RGS9: variants seen among roughly 807,000 people sequenced by gnomAD.
RGS9 encodes regulator of G-protein signalling 9.
RGS9 carries 78 observed loss-of-function variants against 102.0 expected under a neutral mutation model. The ratio of observed to expected loss-of-function variants is 0.76; its 90% CI spans 0.64 to 0.92. The LOEUF (loss-of-function observed/expected upper bound fraction) is 0.92. Among genes scored for constraint, RGS9 ranks in the 40% least tolerant of loss-of-function variants. The pLI is 0.00. For missense variants in RGS9, 833 were observed against 866.1 expected, an observed-to-expected ratio of 0.96 and a Z score of 0.48; for synonymous variants, 353 against 318.6, an observed-to-expected ratio of 1.11 and a Z score of -1.15.
chr17:65,144,957 C>T (rs913519871), intron 1 of RGS9, among the ~76,000 whole-genome samples: 27 of 152,140 alleles, frequency 1.8e-4, no homozygotes, highest in African/African-American at 5.8e-4. Flanking sequence ...CTCCTTGGCT[C>T]GCAGATGGCC....
At chr17:65,197,096 C>A in intron 12 of RGS9, 30 bp from the exon 13 acceptor site, 1 of 1,543,896 alleles carries the variant, frequency 6.5e-7, no homozygotes, top group South Asian at 1.1e-5. Flanking sequence ...ACCGCTACCT[C>A]TCTGGTGCAT....
In RGS9 at chr17:65,224,604, G is replaced by A. The variant is rs181485704; in HGVS notation, c.1408-398G>A. 1.5e-3 allele frequency among the ~76,000 whole-genome samples: 233 copies of A among 152,320 alleles called. 1 individual carries two copies. The highest frequency in any genetic ancestry group is 5.2e-3 in the African/African-American group (216 of 41,570). On this transcript the variant is annotated intron_variant, in intron 17 of 18. Transcript: ENST00000262406. ...AAATGCCTCCAGACCTGAGGTTGGG[G>A]CCCAAGGATGGAGAAGGCAGGGCAT...
chr17:65,167,265 G>A (rs925430358), intron 7 of RGS9, among the ~76,000 whole-genome samples: 11 of 151,974 alleles, frequency 7.2e-5, no homozygotes, highest in African/African-American at 2.2e-4. Context: ...GCAGTGGCGC[G>A]ATCTCGGCTC....
In RGS9 at chr17:65,160,528, T is replaced by C. The variant is rs1262459820; in HGVS notation, c.313-8T>C. The C allele has an allele frequency of 6.2e-7, 1 of 1,614,118 alleles. No homozygotes were observed. Among genetic ancestry groups the C allele is most frequent in the Non-Finnish European group, 8.5e-7 (1 of 1,180,036 alleles). On this transcript the variant is annotated splice_polypyrimidine_tract_variant and splice_region_variant and intron_variant, in intron 4 of 18. Transcript: ENST00000262406. ...TTTAAAGCGTGGTTTCCCTGGTTTC[T>C]TTTGCAGACACCGTATTTCTGGCCC...
At chr17:65,139,604 C>T (rs932407571) in intron 1 of RGS9, among the ~76,000 whole-genome samples, 1 of 152,172 alleles carries the variant, frequency 6.6e-6, no homozygotes, top group Non-Finnish European at 1.5e-5. Context: ...AGTCCTTTCT[C>T]CCCCTCTCGC....
chr17:65,215,382 G>A (rs1169001863), intron 17 of RGS9, among the ~76,000 whole-genome samples: 1 of 152,126 alleles, frequency 6.6e-6, no homozygotes, highest in Non-Finnish European at 1.5e-5. Context: ...TAGCAGTTGG[G>A]GAGGCACCAG....
chr17:65,189,174 GA>G, intron 9 of RGS9, 111 bp from the exon 10 acceptor site: 3 of 863,998 alleles, frequency 3.5e-6, no homozygotes, highest in Non-Finnish European at 5.8e-6. Context: ...TTTTAAGAAA[GA>G]AAAAAATGGG....
At chr17:65,174,815 C>T (rs998412992) in intron 8 of RGS9, among the ~76,000 whole-genome samples, 1 of 152,112 alleles carries the variant, frequency 6.6e-6, no homozygotes, top group Non-Finnish European at 1.5e-5. Context: ...CTGGGGAAGT[C>T]TCAGGAAACT....
Position 65,204,302 on chromosome 17 carries a change from G to A in RGS9, c.1203+1G>A. ...CCACATTTACATGCTCATGAAGAAG[G>A]TAGGTGGGTCCGTGCTGTGGATACG... On this transcript the variant is annotated splice_donor_variant, in intron 15 of 18. Coordinates refer to ENST00000262406, the MANE Select transcript of RGS9 (RefSeq NM_003835.4). LOFTEE classifies it high-confidence loss of function. 1 of 1,613,872 alleles carries A rather than the reference G, an allele frequency of 6.2e-7. No homozygotes were observed. The highest frequency in any genetic ancestry group is 1.1e-5 in the South Asian group (1 of 91,074).
At chr17:65,203,874 G>A (rs1211126819) in intron 14 of RGS9, among the ~76,000 whole-genome samples, 2 of 152,162 alleles carry the variant, frequency 1.3e-5, no homozygotes, top group East Asian at 3.8e-4. Context: ...CACCCTCATG[G>A]CCAGGACCTA....
At chr17:65,147,362 G>A (rs139392784) in intron 1 of RGS9, among the ~76,000 whole-genome samples, 44 of 152,138 alleles carry the variant, frequency 2.9e-4, no homozygotes, top group African/African-American at 1.0e-3. Flanking sequence ...TCTTGAAATC[G>A]TGGTTCAGCT....
chr17:65,225,733 A>G, intron 18 of RGS9: 2 of 571,298 alleles, frequency 3.5e-6, no homozygotes, highest in East Asian at 6.1e-5. Context: ...ATTTTTCCAA[A>G]TCTCTTTTCC....
chr17:65,174,065 T>C (rs1187241711), intron 8 of RGS9, among the ~76,000 whole-genome samples: 1 of 152,110 alleles, frequency 6.6e-6, no homozygotes, highest in African/African-American at 2.4e-5. Context: ...AGGTTGGGGC[T>C]GGAACTGGAC....
At chr17:65,171,281 C>A (rs1911411025) in intron 8 of RGS9, among the ~76,000 whole-genome samples, 1 of 152,194 alleles carries the variant, frequency 6.6e-6, no homozygotes, top group Non-Finnish European at 1.5e-5. Context: ...ATTGAGTACT[C>A]CTCTGAACCT....
intron 17 of RGS9, among the ~76,000 whole-genome samples, chr17:65,214,525 C>T (rs868105931): frequency 1.3e-5 from 2 of 152,100 alleles, no homozygotes; most frequent in African/African-American, 2.4e-5. Context: ...TTGGAGGAGG[C>T]GTGCTTGAGG....
rs950977951 is a variant in RGS9, at chr17:65,193,277, A to C, written c.747-266A>C. On this transcript the variant is annotated intron_variant, in intron 11 of 18. Coordinates refer to ENST00000262406, the MANE Select transcript of RGS9 (RefSeq NM_003835.4). ...CTCAAAAAAAAAAAAAAAAGAAAAA[A>C]AAGAAAAAGAAATAGGTATAGAGGA... 3.3e-5 allele frequency among the ~76,000 whole-genome samples: 5 copies of C among 151,998 alleles called. No individual in the cohort carries two copies. The South Asian group carries it at 1.0e-3, about 32-fold the overall frequency.
intron 8 of RGS9, among the ~76,000 whole-genome samples, chr17:65,169,644 A>G (rs1035473264): frequency 6.6e-6 from 1 of 152,238 alleles, no homozygotes; most frequent in Admixed American, 6.5e-5. Context: ...CTATGTGACT[A>G]CATTCCTTGC....
intron 1 of RGS9, among the ~76,000 whole-genome samples, chr17:65,150,401 C>A (rs1338877973): frequency 6.6e-6 from 1 of 152,140 alleles, no homozygotes; most frequent in Non-Finnish European, 1.5e-5. Context: ...GCGGGTGGAT[C>A]ATTTGAGGTC....
chr17:65,160,136 G>C, intron 3 of RGS9, 97 bp from the exon 4 acceptor site: 2 of 902,416 alleles, frequency 2.2e-6, no homozygotes, highest in Admixed American at 1.7e-5. Flanking sequence ...TGTTAGGAAG[G>C]GGCACCTGTC....
Sources: allele counts gnomAD v4.1 joint callset (sites outside exome capture counted in the v4.1 genomes callset), GRCh38; gene constraint gnomAD v4.1.1; transcripts MANE v1.5; gene names NCBI Gene and HGNC (gene_info 2026-07-23, HGNC 2026-07-21).